The following PDE4B variants were observed in gnomAD, a reference collection of about 807,000 sequenced individuals.
PDE4B encodes the protein phosphodiesterase 4B, also known as 3',5'-cyclic-AMP phosphodiesterase 4B.
A neutral mutation model predicts 82.2 loss-of-function variants in PDE4B; 20 were observed. The observed-to-expected ratio is 0.24, with a 90% CI of 0.17 to 0.35. The LOEUF (loss-of-function observed/expected upper bound fraction) is 0.35. PDE4B is among the 10% of genes least tolerant of loss of function. PDE4B has a pLI of 1.00. For synonymous variants in PDE4B, 320 were observed against 318.9 expected (o/e 1.00, Z -0.04); for missense variants, 655 against 907.2 (o/e 0.72, Z 3.57).
At chr1:66,115,938 A>G (rs1400010912) in intron 3 of PDE4B, among the ~76,000 whole-genome samples, 2 of 152,176 alleles carry the variant, frequency 1.3e-5, no homozygotes, top group Admixed American at 6.5e-5. Flanking sequence ...TTCTTTATAT[A>G]TAATACTTTA....
intron 3 of PDE4B, among the ~76,000 whole-genome samples, chr1:65,991,177 A>C (rs142726409): frequency 0.01 from 1,529 of 151,946 alleles, 21 homozygotes; most frequent in African/African-American, 0.035. Context: ...TGCTTGGTTC[A>C]AGTGATTCTC....
intron 3 of PDE4B, among the ~76,000 whole-genome samples, chr1:66,087,759 A>G (rs1010002391): frequency 2.0e-5 from 3 of 151,652 alleles, no homozygotes; most frequent in Non-Finnish European, 2.9e-5. Context: ...TCAGTAAACT[A>G]TCGCAGGAAC....
rs540286719 is a variant in PDE4B, at chr1:66,159,396, C to T, written c.282-88064C>T. The stretch of plus-strand genomic sequence containing the variant: ...AGGGACTACAGGTGGTGTGCCACCA[C>T]GCCCAGCTATTTTTTTTTTTTTTGT... On this transcript the variant is annotated intron_variant, in intron 3 of 16. Transcript: ENST00000341517. 1.1e-3 allele frequency among the ~76,000 whole-genome samples: 164 copies of T among 151,246 alleles called. 2 individuals carry two copies. Among genetic ancestry groups the T allele is most frequent in the South Asian group, 0.011 (52 of 4,796 alleles).
intron 4 of PDE4B, among the ~76,000 whole-genome samples, chr1:66,256,330 G>T (rs551167684): frequency 6.6e-6 from 1 of 152,196 alleles, no homozygotes; most frequent in African/African-American, 2.4e-5. Flanking sequence ...TCTGTGGATC[G>T]ATGTCATTTA....
intron 1 of PDE4B, among the ~76,000 whole-genome samples, chr1:65,848,528 T>C (rs578255866): frequency 6.6e-6 from 1 of 152,304 alleles, no homozygotes; most frequent in South Asian, 2.1e-4. Context: ...AAGAGTCTCT[T>C]GTGCCAACTT....
At chr1:66,044,815 T>C (rs1342036737) in intron 3 of PDE4B, among the ~76,000 whole-genome samples, 12 of 151,750 alleles carry the variant, frequency 7.9e-5, no homozygotes, top group Non-Finnish European at 4.4e-5. Flanking sequence ...GATCATTTTA[T>C]GAGTAAAATT....
At chr1:66,029,089 G>A (rs1274780696) in intron 3 of PDE4B, among the ~76,000 whole-genome samples, 1 of 152,024 alleles carries the variant, frequency 6.6e-6, no homozygotes, top group South Asian at 2.1e-4. Context: ...AGACTGGGAA[G>A]GAAAAAAAGT....
At chr1:66,036,905 C>T (rs572331280) in intron 3 of PDE4B, among the ~76,000 whole-genome samples, 1 of 151,996 alleles carries the variant, frequency 6.6e-6, no homozygotes, top group Non-Finnish European at 1.5e-5. Context: ...GGGGCCAACA[C>T]AGGCAGATCA....
chr1:66,355,358 G>A (rs1330543831), intron 8 of PDE4B, 169 bp from the exon 9 acceptor site: 11 of 436,588 alleles, frequency 2.5e-5, no homozygotes, highest in African/African-American at 1.2e-4. Context: ...CAAAAGTGAC[G>A]TTGGAATAAT....
chr1:65,970,073 A>G (rs1449541885), intron 3 of PDE4B, among the ~76,000 whole-genome samples: 1 of 151,966 alleles, frequency 6.6e-6, no homozygotes. Context: ...TTATTTTTAT[A>G]TTTATTAATA....
chr1:65,827,737 A>T (rs34347295), intron 1 of PDE4B, among the ~76,000 whole-genome samples: 14,882 of 152,256 alleles, frequency 0.098, 840 homozygotes, highest in South Asian at 0.14. Context: ...TATTTGAAGA[A>T]ATAATGGCTG....
chr1:66,366,448 T>C (rs1172725993), intron 13 of PDE4B, among the ~76,000 whole-genome samples: 1 of 152,170 alleles, frequency 6.6e-6, no homozygotes, highest in East Asian at 1.9e-4. Flanking sequence ...ATGTACTATC[T>C]CTAAGTGCTG....
intron 3 of PDE4B, among the ~76,000 whole-genome samples, chr1:66,022,641 A>C (rs531421196): frequency 1.0e-3 from 157 of 152,350 alleles, no homozygotes; most frequent in African/African-American, 3.6e-3. Context: ...CTAGCCTTGC[A>C]TCCCAGGGAT....
At chr1:66,328,776 C>T (rs962490803) in intron 7 of PDE4B, among the ~76,000 whole-genome samples, 1 of 152,204 alleles carries the variant, frequency 6.6e-6, no homozygotes, top group Non-Finnish European at 1.5e-5. Context: ...CAGGGAGGGT[C>T]TGAGTTAGCC....
chr1:66,115,253 C>T (rs1040241785), intron 3 of PDE4B, among the ~76,000 whole-genome samples: 5 of 152,158 alleles, frequency 3.3e-5, no homozygotes, highest in Admixed American at 1.3e-4. Flanking sequence ...TGCTTACTTT[C>T]GGGTCAACTT....
chr1:65,983,164 T>A (rs1348599561), intron 3 of PDE4B, among the ~76,000 whole-genome samples: 5 of 152,234 alleles, frequency 3.3e-5, no homozygotes, highest in Non-Finnish European at 7.3e-5. Flanking sequence ...GTCCCACCAT[T>A]GTATTTTCAA....
intron 3 of PDE4B, among the ~76,000 whole-genome samples, chr1:66,197,450 CA>C (rs1012383916): frequency 6.6e-6 from 1 of 151,454 alleles, no homozygotes; most frequent in African/African-American, 2.4e-5. Flanking sequence ...TTAGAGGGAG[CA>C]AAAAAAATCA....
At chr1:66,323,903 C>T (rs1482473910) in intron 7 of PDE4B, among the ~76,000 whole-genome samples, 2 of 152,156 alleles carry the variant, frequency 1.3e-5, no homozygotes, top group Non-Finnish European at 2.9e-5. Flanking sequence ...AATAATTGGA[C>T]AGCAGCTTGC....
At chr1:65,847,232 G>T (rs1646277629) in intron 1 of PDE4B, among the ~76,000 whole-genome samples, 1 of 152,070 alleles carries the variant, frequency 6.6e-6, no homozygotes, top group South Asian at 2.1e-4. Context: ...CATTTTCCAT[G>T]GGCTCATTTG....
Sources: gnomAD v4.1 joint callset for allele counts (sites outside exome capture counted in the v4.1 genomes callset) on GRCh38, gnomAD v4.1.1 for gene constraint, MANE v1.5 for transcripts, NCBI Gene and HGNC (gene_info 2026-07-23, HGNC 2026-07-21) for gene names.